Variants in OPCML observed in about 807,000 individuals in gnomAD.
OPCML encodes the protein opioid binding protein/cell adhesion molecule like.
A neutral mutation model predicts 37.8 loss-of-function variants in OPCML; 13 were observed. The observed-to-expected ratio is 0.34, with a 90% CI of 0.22 to 0.55. The LOEUF is 0.55. OPCML is among the 20% of genes least tolerant of loss of function. OPCML has a pLI of 0.91. For synonymous variants in OPCML, 176 were observed against 168.8 expected (o/e 1.04, Z -0.33); for missense variants, 341 against 435.6 (o/e 0.78, Z 1.93).
intron 3 of OPCML, among the ~76,000 whole-genome samples, chr11:132,653,262 G>A (rs1941525598): frequency 6.6e-6 from 1 of 152,138 alleles, no homozygotes; most frequent in Admixed American, 6.5e-5. Flanking sequence ...CAGGTATGAG[G>A]ATGAATGCTC....
chr11:133,519,688 C>G (rs942925030), intron 1 of OPCML, among the ~76,000 whole-genome samples: 1 of 152,188 alleles, frequency 6.6e-6, no homozygotes, highest in South Asian at 2.1e-4. Context: ...AACAAACAAA[C>G]CTCTTGCCCT....
Position 133,023,221 on chromosome 11 carries a change from G to C in OPCML, c.62-80211C>G, listed in dbSNP as rs74583321. ...AAGGGCTTAGCCCCACTCCAATCTAGTTCCCTGTAATTATCTGCTTAAAAT... is the reference window on the plus strand; with the variant it reads ...AAGGGCTTAGCCCCACTCCAATCTACTTCCCTGTAATTATCTGCTTAAAAT... On this transcript the variant is annotated intron_variant, in intron 1 of 7. Transcript: ENST00000524381. Among the ~76,000 whole-genome samples, 100 of 152,294 alleles carry C rather than the reference G, an allele frequency of 6.6e-4. No homozygotes were observed. The East Asian group carries it at 0.016, about 24-fold the overall frequency.
intron 2 of OPCML, among the ~76,000 whole-genome samples, chr11:132,673,876 G>A (rs570037610): frequency 1.1e-3 from 166 of 152,184 alleles, no homozygotes; most frequent in Non-Finnish European, 1.6e-3. Context: ...CTGCCACTCT[G>A]TGAAGCTCCA....
chr11:132,495,386 TG>T, intron 4 of OPCML, among the ~76,000 whole-genome samples: 1 of 152,250 alleles, frequency 6.6e-6, no homozygotes, highest in South Asian at 2.1e-4. Context: ...ATGCATTTGT[TG>T]GGGGAAGACA....
chr11:133,490,806 T>A (rs1016261581), intron 1 of OPCML, among the ~76,000 whole-genome samples: 1 of 152,180 alleles, frequency 6.6e-6, no homozygotes, highest in African/African-American at 2.4e-5. Context: ...TCCTCATGGC[T>A]TGCTATCTCA....
At chr11:133,344,315 T>A (rs2136677355) in intron 1 of OPCML, among the ~76,000 whole-genome samples, 1 of 152,304 alleles carries the variant, frequency 6.6e-6, no homozygotes, top group Admixed American at 6.5e-5. Context: ...GCCAATGCTG[T>A]CTTTGCGAAA....
At chr11:132,651,611 TGA>T (rs1483487682) in intron 3 of OPCML, among the ~76,000 whole-genome samples, 1 of 152,190 alleles carries the variant, frequency 6.6e-6, no homozygotes, top group Non-Finnish European at 1.5e-5. Flanking sequence ...AAGGAACGGC[TGA>T]GATAACGTTT....
At chr11:132,750,744 A>G (rs1167160420) in intron 2 of OPCML, among the ~76,000 whole-genome samples, 2 of 152,156 alleles carry the variant, frequency 1.3e-5, no homozygotes, top group Non-Finnish European at 2.9e-5. Flanking sequence ...ATCCTGACCT[A>G]CTGACAAATA....
intron 1 of OPCML, among the ~76,000 whole-genome samples, chr11:133,036,000 T>C (rs1229132181): frequency 6.6e-6 from 1 of 152,172 alleles, no homozygotes; most frequent in Non-Finnish European, 1.5e-5. Flanking sequence ...ATATCTAATG[T>C]TTAAGCCACT....
intron 2 of OPCML, among the ~76,000 whole-genome samples, chr11:132,813,061 T>C (rs1939437391): frequency 6.6e-6 from 1 of 152,210 alleles, no homozygotes; most frequent in Non-Finnish European, 1.5e-5. Flanking sequence ...TAAAAATCAA[T>C]AAAATATTCC....
chr11:133,466,093 G>A (rs1478856670), intron 1 of OPCML, among the ~76,000 whole-genome samples: 1 of 152,156 alleles, frequency 6.6e-6, no homozygotes, highest in African/African-American at 2.4e-5. Flanking sequence ...ACATCTCAGA[G>A]AAACCACATG....
intron 1 of OPCML, among the ~76,000 whole-genome samples, chr11:133,513,494 C>T (rs1347606672): frequency 6.6e-6 from 1 of 152,228 alleles, no homozygotes; most frequent in Non-Finnish European, 1.5e-5. Flanking sequence ...AAAAACCCAA[C>T]TCAAATGTCA....
intron 3 of OPCML, among the ~76,000 whole-genome samples, chr11:132,558,691 A>G (rs568651500): frequency 9.9e-4 from 151 of 151,776 alleles, no homozygotes; most frequent in Admixed American, 2.8e-3. Context: ...TTAACAGACT[A>G]AAATACAAAT....
At chr11:132,878,161 G>A (rs759250381) in intron 2 of OPCML, among the ~76,000 whole-genome samples, 4 of 147,542 alleles carry the variant, frequency 2.7e-5, no homozygotes, top group Admixed American at 1.4e-4. Context: ...CAGCCTGGGC[G>A]AGAGATCAAA....
At chr11:132,445,509 G>C (rs1405050356) in intron 4 of OPCML, among the ~76,000 whole-genome samples, 1 of 150,358 alleles carries the variant, frequency 6.7e-6, no homozygotes, top group African/African-American at 2.5e-5. Context: ...CAGAAGAAGG[G>C]ATGGCAAGGA....
intron 2 of OPCML, among the ~76,000 whole-genome samples, chr11:132,848,241 A>T (rs1202861144): frequency 2.0e-5 from 3 of 152,214 alleles, no homozygotes; most frequent in Non-Finnish European, 4.4e-5. Context: ...GTAAAAAATT[A>T]TACTGCTATT....
intron 7 of OPCML, among the ~76,000 whole-genome samples, chr11:132,431,899 G>A (rs904022548): frequency 6.6e-6 from 1 of 152,170 alleles, no homozygotes; most frequent in Non-Finnish European, 1.5e-5. Context: ...GAGCATACGG[G>A]TTGCAAATCT....
chr11:132,628,901 C>T (rs1295910547), intron 3 of OPCML, among the ~76,000 whole-genome samples: 5 of 152,076 alleles, frequency 3.3e-5, no homozygotes, highest in African/African-American at 4.8e-5. Context: ...CTTCCCCTTC[C>T]GCCACAATTG....
chr11:132,557,037 T>C (rs1369541905), intron 3 of OPCML, among the ~76,000 whole-genome samples: 1 of 152,210 alleles, frequency 6.6e-6, no homozygotes, highest in Non-Finnish European at 1.5e-5. Flanking sequence ...GTGAAATTGC[T>C]TTTATGGAGC....
Sources: gnomAD v4.1 joint callset for allele counts (sites outside exome capture counted in the v4.1 genomes callset) on GRCh38, gnomAD v4.1.1 for gene constraint, MANE v1.5 for transcripts, NCBI Gene and HGNC (gene_info 2026-07-23, HGNC 2026-07-21) for gene names.